Variants in NTM observed in about 807,000 individuals in gnomAD.
NTM encodes the protein neurotrimin.
A neutral mutation model predicts 42.1 loss-of-function variants in NTM; 13 were observed. That is an observed-to-expected ratio of 0.31 (90% CI 0.20 to 0.49). The LOEUF is 0.49. NTM is among the 20% of genes least tolerant of loss of function. The probability of loss-of-function intolerance (pLI) is 0.99; values close to 1 mark genes in which losing one functional copy is unlikely to be tolerated. For synonymous variants in NTM, 187 were observed against 179.2 expected (o/e 1.04, Z -0.35); for missense variants, 373 against 452.8 (o/e 0.82, Z 1.60).
chr11:132,332,026 G>A (rs1486341947), intron 8 of NTM, among the ~76,000 whole-genome samples: 1 of 152,162 alleles, frequency 6.6e-6, no homozygotes, highest in Non-Finnish European at 1.5e-5. Context: ...CTAGCCTGTT[G>A]GCCTCAAATC....
chr11:131,426,950 C>T (rs1234956828), intron 1 of NTM, among the ~76,000 whole-genome samples: 1 of 152,050 alleles, frequency 6.6e-6, no homozygotes, highest in Non-Finnish European at 1.5e-5. Context: ...TTCTATTATC[C>T]TCCCCCAAGT....
At chr11:131,745,208 C>G (rs995990630) in intron 1 of NTM, among the ~76,000 whole-genome samples, 2 of 152,102 alleles carry the variant, frequency 1.3e-5, no homozygotes, top group Non-Finnish European at 2.9e-5. Flanking sequence ...TGTATTTCCT[C>G]GAGCTTTCCC....
chr11:132,265,453 G>T (rs546662505), intron 4 of NTM, among the ~76,000 whole-genome samples: 1 of 152,094 alleles, frequency 6.6e-6, no homozygotes, highest in Non-Finnish European at 1.5e-5. Context: ...TTCTGAATTC[G>T]TTCACCAGAA....
intron 2 of NTM, among the ~76,000 whole-genome samples, chr11:131,952,840 A>G (rs2134378936): frequency 6.6e-6 from 1 of 152,300 alleles, no homozygotes; most frequent in Non-Finnish European, 1.5e-5. Flanking sequence ...TGACCAATGC[A>G]TTATCTCTAT....
intron 2 of NTM, among the ~76,000 whole-genome samples, chr11:132,045,988 T>A (rs774586229): frequency 6.6e-6 from 1 of 152,220 alleles, no homozygotes; most frequent in Non-Finnish European, 1.5e-5. Context: ...GTTGCTTATA[T>A]AAAGACTCCA....
chr11:131,556,699 C>T (rs976260795), intron 1 of NTM, among the ~76,000 whole-genome samples: 1 of 151,502 alleles, frequency 6.6e-6, no homozygotes, highest in Non-Finnish European at 1.5e-5. Flanking sequence ...TCCCAAGTAG[C>T]TGGGACTACA....
chr11:131,987,898 C>A (rs560227599), intron 2 of NTM, among the ~76,000 whole-genome samples: 1 of 152,210 alleles, frequency 6.6e-6, no homozygotes, highest in African/African-American at 2.4e-5. Flanking sequence ...GCTGGAAACG[C>A]AGAGATGACT....
chr11:132,276,036 C>T (rs1353122147), intron 4 of NTM, among the ~76,000 whole-genome samples: 2 of 151,770 alleles, frequency 1.3e-5, no homozygotes, highest in Non-Finnish European at 2.9e-5. Flanking sequence ...TCTACTGTTT[C>T]TGTGATATTG....
intron 2 of NTM, among the ~76,000 whole-genome samples, chr11:132,073,877 T>C (rs142981773): frequency 1.1e-3 from 164 of 152,302 alleles, no homozygotes; most frequent in African/African-American, 3.7e-3. Flanking sequence ...TGCTCCACCA[T>C]AAGTCAACAC....
At chr11:131,707,367 A>G (rs2076695361) in intron 1 of NTM, among the ~76,000 whole-genome samples, 1 of 152,078 alleles carries the variant, frequency 6.6e-6, no homozygotes, top group African/African-American at 2.4e-5. Flanking sequence ...TTGTGTGCAT[A>G]TGTCACATTT....
At chr11:131,466,019 G>T (rs1486865270) in intron 1 of NTM, among the ~76,000 whole-genome samples, 2 of 152,222 alleles carry the variant, frequency 1.3e-5, no homozygotes, top group Non-Finnish European at 2.9e-5. Context: ...AGGCAAAGCA[G>T]GATGTGTGTC....
chr11:131,889,387 C>A (rs1454400311), intron 1 of NTM, among the ~76,000 whole-genome samples: 1 of 152,226 alleles, frequency 6.6e-6, no homozygotes, highest in East Asian at 1.9e-4. Flanking sequence ...CCCATACCCC[C>A]AGCCAGGCTG....
intron 2 of NTM, among the ~76,000 whole-genome samples, chr11:131,958,601 G>C (rs2061802675): frequency 6.6e-6 from 1 of 152,142 alleles, no homozygotes; most frequent in Non-Finnish European, 1.5e-5. Flanking sequence ...TTTGTTTTCT[G>C]TATTTGAAAC....
chr11:131,449,500 A>AGTCCT (rs1950320738), intron 1 of NTM, among the ~76,000 whole-genome samples: 1 of 152,212 alleles, frequency 6.6e-6, no homozygotes, highest in Non-Finnish European at 1.5e-5. Context: ...GCTAGGCCTG[A>AGTCCT]GTCCTGTCGT....
At chr11:132,266,630 T>C (rs892003012) in intron 4 of NTM, among the ~76,000 whole-genome samples, 3 of 152,354 alleles carry the variant, frequency 2.0e-5, no homozygotes, top group Admixed American at 2.0e-4. Flanking sequence ...TTATGTGATT[T>C]GAATGAGGTT....
At chr11:131,700,067 T>C (rs1327866873) in intron 1 of NTM, among the ~76,000 whole-genome samples, 1 of 152,098 alleles carries the variant, frequency 6.6e-6, no homozygotes, top group South Asian at 2.1e-4. Context: ...TGGGAAATTA[T>C]GCATGTATAG....
intron 1 of NTM, among the ~76,000 whole-genome samples, chr11:131,871,822 C>T (rs543089480): frequency 1.1e-4 from 17 of 152,240 alleles, no homozygotes; most frequent in African/African-American, 3.9e-4. Context: ...CTGTTGGTCC[C>T]CTAGGTCTTT....
At chr11:132,094,849 G>T (rs1316739154) in intron 2 of NTM, among the ~76,000 whole-genome samples, 1 of 152,180 alleles carries the variant, frequency 6.6e-6, no homozygotes, top group Non-Finnish European at 1.5e-5. Context: ...GTGTGTGTGT[G>T]TGCACTGCCT....
intron 2 of NTM, among the ~76,000 whole-genome samples, chr11:132,140,501 A>C (rs1183413252): frequency 5.3e-5 from 8 of 152,290 alleles, no homozygotes; most frequent in African/African-American, 1.9e-4. Flanking sequence ...TGTGAGTCTA[A>C]GTCTAGTATT....
Sources: gnomAD v4.1 joint callset for allele counts (sites outside exome capture counted in the v4.1 genomes callset) on GRCh38, gnomAD v4.1.1 for gene constraint, MANE v1.5 for transcripts, NCBI Gene and HGNC (gene_info 2026-07-23, HGNC 2026-07-21) for gene names.